Variants in CLK3 observed in about 807,000 individuals in gnomAD.
CLK3 encodes dual specificity protein kinase CLK3.
Under a neutral mutation model 65.2 loss-of-function variants are expected in CLK3, and 24 were observed. The observed-to-expected ratio is 0.37, with a 90% confidence interval of 0.27 to 0.52. The LOEUF (loss-of-function observed/expected upper bound fraction) is 0.52. Among genes scored for constraint, CLK3 ranks in the 20% least tolerant of loss-of-function variants. CLK3 has a pLI of 0.92. For synonymous variants in CLK3, 252 were observed against 240.8 expected, an observed-to-expected ratio of 1.05 and a Z score of -0.43; for missense variants, 506 against 660.0, an observed-to-expected ratio of 0.77 and a Z score of 2.56.
At position 74,627,852 on chromosome 15, in the gene CLK3, G is replaced by C; in HGVS notation, c.1043-118G>C. ...TTTATCTGTCAGCCTTACTGAGAGA[G>C]GGCCTCGTACTGGGATTTGGGCAAG... On this transcript the variant is annotated intron_variant, in intron 9 of 12. Coordinates refer to ENST00000395066, the MANE Select transcript of CLK3 (RefSeq NM_001130028.2). The surrounding 1 kb of genome is among the most constrained non-coding windows in gnomAD (Gnocchi z 4.3). The C allele has an allele frequency of 8.5e-7, 1 of 1,172,766 alleles. No homozygotes were observed. The allele number at this position is 1,172,766 out of a possible 1,614,324, so 72.6% of individuals were successfully genotyped here. A position where few individuals can be genotyped will look rare whatever the true frequency, so the allele number is the denominator to read the frequency against.
chr15:74,609,472 T>C (rs989449106), intron 1 of CLK3, among the ~76,000 whole-genome samples: 22 of 152,358 alleles, frequency 1.4e-4, no homozygotes, highest in African/African-American at 4.6e-4. Flanking sequence ...TGCCCTACAT[T>C]GGAATCCCCC....
Position 74,624,963 on chromosome 15 carries a change from C to T in CLK3, c.595C>T (p.Arg199Trp), listed in dbSNP as rs760307474. Reference protein sequence around the residue: ...RNVGKYREAARLEINVLKKIK... With the variant: ...RNVGKYREAAWLEINVLKKIK... ...CGTGGGCAAGTACCGGGAGGCTGCC[C>T]GGCTAGAAATCAACGTGCTCAAAAA... The change falls in exon 6 of 13, where the codon CGG (arginine) becomes TGG (tryptophan). Residue 199 changes from arginine to tryptophan, a missense_variant. This residue lies in a region of CLK3 where 325 missense variants were observed against 500.5 expected (regional missense o/e 0.65). Coordinates refer to ENST00000395066, the MANE Select transcript of CLK3 (RefSeq NM_001130028.2). The surrounding 1 kb of genome is among the most constrained non-coding windows in gnomAD (Gnocchi z 4.2). The T allele has an allele frequency of 6.8e-6, 11 of 1,613,024 alleles. No homozygotes were observed. Among genetic ancestry groups the T allele is most frequent in the Admixed American group, 1.7e-5 (1 of 59,844 alleles).
At position 74,624,954 on chromosome 15, in the gene CLK3, G is replaced by C. The variant is rs1334859249; in HGVS notation, c.586G>C (p.Glu196Gln). 1 of 1,613,012 alleles carries C rather than the reference G, an allele frequency of 6.2e-7. No individual in the cohort carries two copies. Among genetic ancestry groups the C allele is most frequent in the South Asian group, 1.1e-5 (1 of 90,768 alleles). The change falls in exon 6 of 13, where the codon GAG (glutamate) becomes CAG (glutamine). Residue 196 changes from glutamate to glutamine, a missense_variant. This residue lies in a region of CLK3 where 325 missense variants were observed against 500.5 expected (regional missense o/e 0.65). Coordinates refer to ENST00000395066, the MANE Select transcript of CLK3 (RefSeq NM_001130028.2). This position sits in a 1 kb window ranked among gnomAD's most constrained non-coding sequence, Gnocchi z 4.2. ...CATCCGCAACGTGGGCAAGTACCGG[G>C]AGGCTGCCCGGCTAGAAATCAACGT... is the stretch of plus-strand genomic sequence containing the variant. Reference protein sequence around the residue: ...KIIRNVGKYREAARLEINVLK... With the variant: ...KIIRNVGKYRQAARLEINVLK...
chr15:74,609,360 T>C (rs975546996), intron 1 of CLK3, among the ~76,000 whole-genome samples: 2 of 152,218 alleles, frequency 1.3e-5, no homozygotes, highest in African/African-American at 4.8e-5. Context: ...GCCAGTTATG[T>C]GAAGATGAGG....
upstream of CLK3, chr15:74,615,432 C>A: frequency 7.9e-7 from 1 of 1,269,744 alleles, no homozygotes; most frequent in South Asian, 2.7e-5. Flanking sequence ...GCCGCTCTCG[C>A]GCTCTCCGGG....
Position 74,629,734 on chromosome 15 carries a change from C to G in CLK3, c.1324C>G (p.His442Asp). Reference protein sequence around the residue: ...KSYMLQDSLEHVQLFDLMRRM... With the variant: ...KSYMLQDSLEDVQLFDLMRRM... ...TTACATGCTCCAAGACTCCCTGGAGCACGTGCAGCTGTTTGACCTGATGAG... is the reference window on the plus strand; with the variant it reads ...TTACATGCTCCAAGACTCCCTGGAGGACGTGCAGCTGTTTGACCTGATGAG... The change falls in exon 13 of 13, where the codon CAC (histidine) becomes GAC (aspartate). Residue 442 changes from histidine (H) to aspartate (D), a missense_variant. Physicochemically the swap from His to Asp is moderately conservative, Grantham distance 81. Coordinates refer to ENST00000395066, the MANE Select transcript of CLK3 (RefSeq NM_001130028.2). The G allele has an allele frequency of 6.2e-7, 1 of 1,613,242 alleles. No homozygotes were observed. The highest frequency in any genetic ancestry group is 8.5e-7 in the Non-Finnish European group (1 of 1,179,584).
chr15:74,626,490 A>G (rs1378397624), intron 7 of CLK3, among the ~76,000 whole-genome samples: 1 of 152,242 alleles, frequency 6.6e-6, no homozygotes, highest in African/African-American at 2.4e-5. Flanking sequence ...GAATCGCTCA[A>G]GGTCACCCCG....
In CLK3 at chr15:74,620,101, A is replaced by T; in HGVS notation, c.245A>T (p.Asp82Val). The T allele has an allele frequency of 6.2e-7, 1 of 1,614,082 alleles. No individual in the cohort carries two copies. The highest frequency in any genetic ancestry group is 1.1e-5 in the South Asian group (1 of 91,078). ...CEERSPSFGEDYYGPSRSRHR... is the reference protein window; with the variant it reads ...CEERSPSFGEVYYGPSRSRHR... ...GAGCGGAGCCCATCCTTTGGAGAGG[A>T]CTACTATGGACCTTCACGTTCTCGT... The change falls in exon 3 of 13, where the codon GAC becomes GTC. Residue 82 changes from aspartate to valine, a missense_variant. Transcript: ENST00000395066.
chr15:74,627,176 C>T lies in CLK3; in HGVS notation c.818-176C>T. 1.4e-6 allele frequency: 1 copy of T among 723,352 alleles called. No homozygotes were observed. Among genetic ancestry groups the T allele is most frequent in the South Asian group, 1.4e-5 (1 of 69,066 alleles). The allele number at this position is 723,352 out of a possible 1,614,324, so 44.8% of individuals were successfully genotyped here. ...TCAGAACCCTCCAAGGCCTCAAGTA[C>T]AGAGAACCCTTGAGAGGGAGGCCAG... On this transcript the variant is annotated intron_variant, in intron 7 of 12. Coordinates refer to ENST00000395066, the MANE Select transcript of CLK3 (RefSeq NM_001130028.2). The surrounding 1 kb of genome is among the most constrained non-coding windows in gnomAD (Gnocchi z 4.3).
chr15:74,621,790 C>T lies in CLK3; in HGVS notation c.370-330C>T. The T allele has an allele frequency of 1.3e-5, 5 of 374,988 alleles. No homozygotes were observed. The highest frequency in any genetic ancestry group is 6.1e-5 in the South Asian group (3 of 48,812). 23.2% of individuals were successfully genotyped at this position (374,988 alleles called of 1,614,324 possible). Reference sequence around the variant, plus strand: ...GTCGGGGCGATGGCTCTCCTCACAGCGTGGCCCTCAGCAGCAGAGGCAGGT... The same window carrying T: ...GTCGGGGCGATGGCTCTCCTCACAGTGTGGCCCTCAGCAGCAGAGGCAGGT... On this transcript the variant is annotated intron_variant, in intron 3 of 12. Coordinates refer to ENST00000395066, the MANE Select transcript of CLK3 (RefSeq NM_001130028.2). The surrounding 1 kb of genome is among the most constrained non-coding windows in gnomAD (Gnocchi z 4.8).
At position 74,629,738 on chromosome 15, in the gene CLK3, T is replaced by C. The variant is rs765654546; in HGVS notation, c.1328T>C (p.Val443Ala). The C allele has an allele frequency of 1.1e-5, 18 of 1,613,390 alleles. No individual in the cohort carries two copies. Among genetic ancestry groups the C allele is most frequent in the African/African-American group, 2.7e-5 (2 of 74,890 alleles). ...ATGCTCCAAGACTCCCTGGAGCACG[T>C]GCAGCTGTTTGACCTGATGAGGAGG... ...SYMLQDSLEH[V>A]QLFDLMRRML... The change falls in exon 13 of 13, where the codon GTG (valine) becomes GCG (alanine). Residue 443 changes from valine (V) to alanine (A), a missense_variant. This residue lies in a region of CLK3 where 325 missense variants were observed against 500.5 expected (regional missense o/e 0.65). Coordinates refer to ENST00000395066, the MANE Select transcript of CLK3 (RefSeq NM_001130028.2).
upstream of CLK3, chr15:74,615,712 C>G: frequency 8.1e-7 from 1 of 1,238,962 alleles, no homozygotes; most frequent in Non-Finnish European, 1.0e-6. Context: ...GCGGAGAGGG[C>G]TGGTGCCCCG....
At chr15:74,619,828 G>T (rs1001068821) in intron 2 of CLK3, 181 bp from the exon 3 acceptor site, 5 of 903,546 alleles carry the variant, frequency 5.5e-6, no homozygotes, top group Non-Finnish European at 8.2e-6. Flanking sequence ...TCGTTGGACA[G>T]GGCTCTGGAG....
chr15:74,615,485 T>G, upstream of CLK3: 1 of 1,311,274 alleles, frequency 7.6e-7, no homozygotes, highest in Non-Finnish European at 9.7e-7. Context: ...CAGGAGGGAG[T>G]TGGCGGACCA....
intron 3 of CLK3, chr15:74,620,429 G>T: frequency 1.4e-6 from 1 of 711,232 alleles, no homozygotes; most frequent in Non-Finnish European, 2.3e-6. Context: ...GCTCTTTCCA[G>T]TGGCAACTGT....
intron 1 of CLK3, among the ~76,000 whole-genome samples, chr15:74,617,175 T>C (rs2062067304): frequency 6.6e-6 from 1 of 152,210 alleles, no homozygotes; most frequent in Non-Finnish European, 1.5e-5. Context: ...AGATGTTATC[T>C]CCATTTTCCA....
At chr15:74,628,918 T>C (rs1207367350) in intron 11 of CLK3, 24 bp from the exon 12 acceptor site, 6 of 1,553,028 alleles carry the variant, frequency 3.9e-6, no homozygotes, top group Non-Finnish European at 5.3e-6. Flanking sequence ...CTCCCACACT[T>C]GACTCCACCC....
At chr15:74,625,711 A>C in intron 6 of CLK3, 91 bp from the exon 7 acceptor site, 15 of 1,389,060 alleles carry the variant, frequency 1.1e-5, no homozygotes, top group Non-Finnish European at 1.3e-5. Context: ...CCGGTGGCCT[A>C]GGAGAGAGTT....
chr15:74,619,860 C>A, intron 2 of CLK3, 149 bp from the exon 3 acceptor site: 1 of 1,334,696 alleles, frequency 7.5e-7, no homozygotes, highest in Non-Finnish European at 1.0e-6. Flanking sequence ...TACCTTTGCA[C>A]CCTCCCCTCT....
Sources: allele counts gnomAD v4.1 joint callset (sites outside exome capture counted in the v4.1 genomes callset), GRCh38; gene constraint gnomAD v4.1.1; regional missense constraint gnomAD v4.1.1; non-coding constraint Gnocchi (gnomAD v3.1); transcripts MANE v1.5; gene names NCBI Gene and HGNC (gene_info 2026-07-23, HGNC 2026-07-21).